The following RBFOX3 variants were observed in gnomAD, a reference collection of about 807,000 sequenced individuals.
RBFOX3 encodes the protein RNA binding fox-1 homolog 3, also known as RNA binding protein fox-1 homolog 3.
RBFOX3 carries 17 observed loss-of-function variants against 48.7 expected under a neutral mutation model. The observed-to-expected ratio is 0.35, with a 90% CI of 0.24 to 0.52. RBFOX3 has a LOEUF of 0.52. Among genes scored for constraint, RBFOX3 ranks in the 20% least tolerant of loss-of-function variants. The probability of loss-of-function intolerance (pLI) is 0.94; values close to 1 mark genes in which losing one functional copy is unlikely to be tolerated. For synonymous variants in RBFOX3, 212 were observed against 209.5 expected (o/e 1.01, Z -0.10); for missense variants, 382 against 497.5 (o/e 0.77, Z 2.21).
intron 1 of RBFOX3, among the ~76,000 whole-genome samples, chr17:79,487,783 C>T (rs1024947613): frequency 5.1e-4 from 78 of 151,858 alleles, no homozygotes; most frequent in African/African-American, 8.0e-4. Context: ...TGGTGGCAGG[C>T]GCCTGTAGTC....
intron 3 of RBFOX3, among the ~76,000 whole-genome samples, chr17:79,285,543 T>C (rs779811385): frequency 5.9e-5 from 9 of 152,200 alleles, no homozygotes; most frequent in Non-Finnish European, 7.3e-5. Context: ...TAAACCAATA[T>C]TGAAATGCAC....
chr17:79,601,942 C>T (rs1010577943), intron 1 of RBFOX3: 1 of 152,224 alleles, frequency 6.6e-6, no homozygotes, highest in Non-Finnish European at 1.5e-5. Context: ...CCGACGCACA[C>T]ACACAAGCAG....
intron 3 of RBFOX3, among the ~76,000 whole-genome samples, chr17:79,288,807 C>A (rs754489170): frequency 8.5e-5 from 13 of 152,096 alleles, no homozygotes; most frequent in Non-Finnish European, 1.3e-4. Context: ...TAGCTGACCC[C>A]AATAACCTCT....
At chr17:79,144,103 T>C (rs1872170525) in intron 4 of RBFOX3, among the ~76,000 whole-genome samples, 1 of 152,108 alleles carries the variant, frequency 6.6e-6, no homozygotes, top group South Asian at 2.1e-4. Flanking sequence ...GGTCCAGAGA[T>C]CTCCCTGCAG....
intron 4 of RBFOX3, among the ~76,000 whole-genome samples, chr17:79,171,413 T>C (rs1267935398): frequency 6.6e-6 from 1 of 152,236 alleles, no homozygotes; most frequent in East Asian, 1.9e-4. Flanking sequence ...AGAGCTTTGC[T>C]GGCCATATGG....
chr17:79,227,042 G>A (rs1022595812), intron 4 of RBFOX3, among the ~76,000 whole-genome samples: 3 of 152,150 alleles, frequency 2.0e-5, no homozygotes, highest in Non-Finnish European at 4.4e-5. Context: ...CTCCAACCCC[G>A]CCTTGCTCCC....
At chr17:79,476,266 C>A (rs1458941932) in intron 2 of RBFOX3, among the ~76,000 whole-genome samples, 1 of 152,232 alleles carries the variant, frequency 6.6e-6, no homozygotes, top group African/African-American at 2.4e-5. Flanking sequence ...GGAGCGGTGT[C>A]CTGGGGAACT....
chr17:79,262,167 G>A (rs57892554), intron 3 of RBFOX3, among the ~76,000 whole-genome samples: 2,543 of 152,374 alleles, frequency 0.017, 71 homozygotes, highest in African/African-American at 0.058. Flanking sequence ...CCACAGCTCT[G>A]TACACACAAT....
the RBFOX3 span, among the ~76,000 whole-genome samples, chr17:79,663,820 T>C: frequency 1.3e-5 from 2 of 152,302 alleles, no homozygotes; most frequent in East Asian, 3.9e-4. Context: ...TGTGATAACA[T>C]TGGCCAATCA....
Position 79,607,050 on chromosome 17 carries a change from G to A in RBFOX3, c.-320+3776C>T, listed in dbSNP as rs1241720163. Among the ~76,000 whole-genome samples the A allele has an allele frequency of 9.9e-5, 15 of 152,264 alleles. No homozygotes were observed. The East Asian group carries it at 1.7e-3, about 18-fold the overall frequency. ...TGTTTCATGAGCCTGTGAAAATACC[G>A]CGCTGCTTTATGAAAGAGCGTGGAG... On this transcript the variant is annotated intron_variant, in intron 1 of 14. Transcript: ENST00000693108.
chr17:79,190,756 T>G (rs954220277), intron 4 of RBFOX3, among the ~76,000 whole-genome samples: 15 of 152,204 alleles, frequency 9.9e-5, no homozygotes, highest in African/African-American at 3.6e-4. Flanking sequence ...GACCAGAAGC[T>G]GAAGCCACTG....
At chr17:79,286,522 T>C (rs2071923423) in intron 3 of RBFOX3, among the ~76,000 whole-genome samples, 1 of 152,222 alleles carries the variant, frequency 6.6e-6, no homozygotes, top group Non-Finnish European at 1.5e-5. Context: ...CGGCCCCTGA[T>C]GCTTATTAAC....
intron 1 of RBFOX3, among the ~76,000 whole-genome samples, chr17:79,493,542 C>T (rs1034245601): frequency 3.3e-5 from 5 of 152,270 alleles, no homozygotes; most frequent in East Asian, 3.9e-4. Flanking sequence ...CCAGGGTCTT[C>T]GGTCTTCAAT....
In RBFOX3 at chr17:79,090,802, T is replaced by A; in HGVS notation, c.*81A>T. 6.9e-7 allele frequency: 1 copy of A among 1,448,738 alleles called. No individual in the cohort carries two copies. The highest frequency in any genetic ancestry group is 9.3e-7 in the Non-Finnish European group (1 of 1,080,784). 89.7% of individuals were successfully genotyped at this position (1,448,738 alleles called of 1,614,324 possible). On this transcript the variant is annotated 3_prime_UTR_variant, in exon 15 of 15. Coordinates refer to ENST00000693108, the MANE Select transcript of RBFOX3 (RefSeq NM_001350451.2). ...TTTGTTGCTTGGATCTTAACATCTT[T>A]TTTTGTTTTTTTTGTTTTGTGATTT...
At chr17:79,560,571 A>C (rs2092144478) in intron 1 of RBFOX3, among the ~76,000 whole-genome samples, 1 of 152,166 alleles carries the variant, frequency 6.6e-6, no homozygotes, top group African/African-American at 2.4e-5. Flanking sequence ...GGAACATTGA[A>C]GAATACGCAC....
intron 2 of RBFOX3, among the ~76,000 whole-genome samples, chr17:79,413,957 G>T (rs1345903554): frequency 6.6e-6 from 1 of 151,912 alleles, no homozygotes; most frequent in African/African-American, 2.4e-5. Flanking sequence ...AGGAGAGGGG[G>T]CATGTAGGGG....
At chr17:79,470,564 T>A (rs1555756419) in intron 2 of RBFOX3, among the ~76,000 whole-genome samples, 1 of 152,102 alleles carries the variant, frequency 6.6e-6, no homozygotes, top group African/African-American at 2.4e-5. Context: ...TTCCCCAACA[T>A]CCTACCACGT....
chr17:79,651,253 G>A, the RBFOX3 span, among the ~76,000 whole-genome samples: 2 of 152,192 alleles, frequency 1.3e-5, no homozygotes, highest in Non-Finnish European at 1.5e-5. Flanking sequence ...TTGGCTTCTG[G>A]AGGAACCTAG....
intron 2 of RBFOX3, among the ~76,000 whole-genome samples, chr17:79,328,939 G>C (rs931144133): frequency 6.6e-6 from 1 of 152,156 alleles, no homozygotes; most frequent in Non-Finnish European, 1.5e-5. Flanking sequence ...CACATGGGGT[G>C]GGGGAGATCA....
Sources: gnomAD v4.1 joint callset for allele counts (sites outside exome capture counted in the v4.1 genomes callset) on GRCh38, gnomAD v4.1.1 for gene constraint, MANE v1.5 for transcripts, NCBI Gene and HGNC (gene_info 2026-07-23, HGNC 2026-07-21) for gene names.